ADGRV1: variants seen among roughly 807,000 people sequenced by gnomAD.
ADGRV1 encodes adhesion G protein-coupled receptor V1.
A neutral mutation model predicts 596.2 loss-of-function variants in ADGRV1; 359 were observed. The ratio of observed to expected loss-of-function variants is 0.60; its 90% CI spans 0.55 to 0.66. ADGRV1 has a LOEUF of 0.66. Ranked by LOEUF, ADGRV1 falls within the 30% of genes least tolerant of loss-of-function variation. The probability of loss-of-function intolerance (pLI) is 0.00; values close to 1 mark genes in which losing one functional copy is unlikely to be tolerated. For missense variants in ADGRV1, 7,274 were observed against 7,575.6 expected (o/e 0.96, Z 1.48); for synonymous variants, 2,681 against 2,679.2 (o/e 1.00, Z -0.02).
In ADGRV1 at chr5:91,164,282, A is replaced by C. The variant is rs1025920097; in HGVS notation, c.*382A>C. ...TGCATGGGCAAAAAAAGCTAACTCT[A>C]TATGTAGATGATGACAAGCACCCTG... On this transcript the variant is annotated 3_prime_UTR_variant, in exon 90 of 90. Transcript: ENST00000405460. 3.2e-6 allele frequency: 1 copy of C among 313,648 alleles called. No homozygotes were observed. Among genetic ancestry groups the C allele is most frequent in the Non-Finnish European group, 6.3e-6 (1 of 159,082 alleles). 19.4% of individuals were successfully genotyped at this position (313,648 alleles called of 1,614,324 possible).
chr5:90,647,377 A>G, intron 16 of ADGRV1, 121 bp from the exon 17 acceptor site: 1 of 916,610 alleles, frequency 1.1e-6, no homozygotes, highest in East Asian at 2.6e-5. Flanking sequence ...AGAGCTAATT[A>G]TTTTGGCAAA....
chr5:90,632,164 G>C (rs1169619574), intron 9 of ADGRV1, among the ~76,000 whole-genome samples: 1 of 151,956 alleles, frequency 6.6e-6, no homozygotes, highest in Non-Finnish European at 1.5e-5. Flanking sequence ...TGGTCTTACT[G>C]TTCTCCCTTC....
intron 1 of ADGRV1, among the ~76,000 whole-genome samples, chr5:90,599,816 T>C (rs1448445189): frequency 6.6e-6 from 1 of 152,122 alleles, no homozygotes; most frequent in Non-Finnish European, 1.5e-5. Context: ...GGGATGGAAA[T>C]GTTTGTAATC....
Position 90,729,698 on chromosome 5 carries a change from T to C in ADGRV1, c.10483T>C (p.Tyr3495His), listed in dbSNP as rs1752284970. The change falls in exon 50 of 90, where the codon TAT becomes CAT. Residue 3495 changes from tyrosine (Y) to histidine (H), a missense_variant. This residue lies in a region of ADGRV1 where 3,643 missense variants were observed against 3,809.2 expected (regional missense o/e 0.96). Transcript: ENST00000405460. ...IWEMGQSSFR[Y>H]FQSVDFAAVN... is the part of the protein sequence containing the mutation. ...GGAGATGGGACAGTCTTCCTTCAGG[T>C]ATTTTCAGTCTGTAGATTTTGCTGC... is the stretch of plus-strand genomic sequence containing the variant. The C allele has an allele frequency of 2.5e-6, 4 of 1,608,778 alleles. No individual in the cohort carries two copies. In the South Asian group the frequency reaches 4.4e-5, roughly 18 times the overall value.
At chr5:90,746,804 C>T (rs1342490297) in intron 52 of ADGRV1, among the ~76,000 whole-genome samples, 1 of 152,166 alleles carries the variant, frequency 6.6e-6, no homozygotes, top group African/African-American at 2.4e-5. Flanking sequence ...GTAACAAGCC[C>T]ACTCACTCAT....
intron 21 of ADGRV1, among the ~76,000 whole-genome samples, chr5:90,661,103 T>G (rs1770219906): frequency 6.6e-6 from 1 of 152,220 alleles, no homozygotes; most frequent in Admixed American, 6.5e-5. Flanking sequence ...TATAGCCTAG[T>G]AACCACATTC....
chr5:90,882,581 G>T (rs1340762920), intron 83 of ADGRV1, among the ~76,000 whole-genome samples: 2 of 152,116 alleles, frequency 1.3e-5, no homozygotes, highest in African/African-American at 4.8e-5. Context: ...GAAAGCTATT[G>T]TTCTGGATGG....
At chr5:90,685,199 G>A (rs940925551) in intron 28 of ADGRV1, among the ~76,000 whole-genome samples, 1 of 144,422 alleles carries the variant, frequency 6.9e-6, no homozygotes, top group Non-Finnish European at 1.5e-5. Flanking sequence ...ACTAGAGCAG[G>A]GACATTCTGT....
chr5:91,109,554 C>T (rs1792183675), intron 87 of ADGRV1, among the ~76,000 whole-genome samples: 1 of 152,144 alleles, frequency 6.6e-6, no homozygotes. Context: ...TCTATGTTTC[C>T]TTAACACTGA....
rs767504477 is a variant in ADGRV1, at chr5:90,855,770, T to C, written c.17624T>C (p.Val5875Ala). ...TTGTCTGACAGTCAGTTTTGCAAAGTGGTTGAGGAAACTGCAGACTATGTG... is the reference window on the plus strand; with the variant it reads ...TTGTCTGACAGTCAGTTTTGCAAAGCGGTTGAGGAAACTGCAGACTATGTG... The part of the protein sequence containing the change: ...SWLSDSQFCK[V>A]VEETADYVEC... The change falls in exon 82 of 90, where the codon GTG (valine) becomes GCG (alanine). Residue 5875 changes from valine to alanine, a missense_variant. Val to Ala is a moderately conservative substitution (Grantham distance 64). Around this residue, in one of 5 missense-constraint regions of ADGRV1, gnomAD observed 1,874 missense variants for 1,970.2 expected, o/e 0.95. Coordinates refer to ENST00000405460, the MANE Select transcript of ADGRV1 (RefSeq NM_032119.4). The C allele has an allele frequency of 1.9e-6, 3 of 1,593,640 alleles. No homozygotes were observed. Among genetic ancestry groups the C allele is most frequent in the South Asian group, 1.2e-5 (1 of 86,334 alleles).
intron 78 of ADGRV1, among the ~76,000 whole-genome samples, chr5:90,841,925 T>C (rs1047405410): frequency 1.3e-5 from 2 of 152,168 alleles, no homozygotes; most frequent in Non-Finnish European, 2.9e-5. Flanking sequence ...AAACATCTTA[T>C]AAAGCAAAGG....
chr5:90,700,282 G>C (rs1747743768), intron 34 of ADGRV1, among the ~76,000 whole-genome samples: 1 of 152,134 alleles, frequency 6.6e-6, no homozygotes, highest in Admixed American at 6.6e-5. Context: ...TTTTAGCCTA[G>C]TGTTGGAGTT....
chr5:90,639,830 G>A (rs1766734483), intron 11 of ADGRV1, among the ~76,000 whole-genome samples: 1 of 151,138 alleles, frequency 6.6e-6, no homozygotes, highest in Non-Finnish European at 1.5e-5. Context: ...CAAAACTTGA[G>A]TGAAAGAATA....
chr5:90,907,430 A>G (rs977030143), intron 83 of ADGRV1, among the ~76,000 whole-genome samples: 1 of 152,136 alleles, frequency 6.6e-6, no homozygotes, highest in African/African-American at 2.4e-5. Flanking sequence ...TGCCTCGAAA[A>G]CAAAGTCTAA....
chr5:90,595,897 C>G (rs1385976395), intron 1 of ADGRV1, among the ~76,000 whole-genome samples: 2 of 149,948 alleles, frequency 1.3e-5, no homozygotes, highest in African/African-American at 4.9e-5. Flanking sequence ...CTGACCCCCC[C>G]CACCTCCCTC....
chr5:90,890,572 A>G (rs548688379), intron 83 of ADGRV1, among the ~76,000 whole-genome samples: 11 of 152,280 alleles, frequency 7.2e-5, no homozygotes, highest in Middle Eastern at 3.4e-3. Flanking sequence ...GTAAAAACAC[A>G]TGAAAGACTT....
At chr5:90,649,241 A>G (rs934034526) in intron 17 of ADGRV1, among the ~76,000 whole-genome samples, 1 of 152,088 alleles carries the variant, frequency 6.6e-6, no homozygotes, top group Non-Finnish European at 1.5e-5. Context: ...TGACCTTGTG[A>G]TCTACCCGCC....
intron 68 of ADGRV1, among the ~76,000 whole-genome samples, chr5:90,788,691 A>G (rs1031611024): frequency 1.3e-5 from 2 of 152,114 alleles, no homozygotes; most frequent in Non-Finnish European, 2.9e-5. Context: ...TTGAAGGAAA[A>G]AATGGTACTT....
chr5:90,963,690 G>C (rs1000212727), intron 83 of ADGRV1, among the ~76,000 whole-genome samples: 2 of 151,136 alleles, frequency 1.3e-5, no homozygotes, highest in Non-Finnish European at 2.9e-5. Context: ...CTTTGGAGTT[G>C]ATTTTTCCCA....
Sources: allele counts gnomAD v4.1 joint callset (sites outside exome capture counted in the v4.1 genomes callset), GRCh38; gene constraint gnomAD v4.1.1; regional missense constraint gnomAD v4.1.1; transcripts MANE v1.5; gene names NCBI Gene and HGNC (gene_info 2026-07-23, HGNC 2026-07-21).